The following UBE2E2 variants were observed in gnomAD, a reference collection of about 807,000 sequenced individuals.
The protein encoded by UBE2E2 is ubiquitin-conjugating enzyme E2 E2.
Under a neutral mutation model 24.7 loss-of-function variants are expected in UBE2E2, and 6 were observed. The ratio of observed to expected loss-of-function variants is 0.24; its 90% CI spans 0.13 to 0.48. The LOEUF (loss-of-function observed/expected upper bound fraction) is 0.48, where lower values mean the gene tolerates loss of function less well. Among genes scored for constraint, UBE2E2 ranks in the 20% least tolerant of loss-of-function variants. UBE2E2 has a pLI of 0.99. For missense variants in UBE2E2, 169 were observed against 245.0 expected, an observed-to-expected ratio of 0.69 and a Z score of 2.07; for synonymous variants, 104 against 83.6, an observed-to-expected ratio of 1.24 and a Z score of -1.33.
chr3:23,444,730 G>C (rs968109990), intron 3 of UBE2E2, among the ~76,000 whole-genome samples: 1 of 152,070 alleles, frequency 6.6e-6, no homozygotes, highest in Admixed American at 6.6e-5. Context: ...CTACCTATTG[G>C]GCCAGCTGTT....
At chr3:23,359,871 A>G (rs983916265) in intron 3 of UBE2E2, among the ~76,000 whole-genome samples, 3 of 152,316 alleles carry the variant, frequency 2.0e-5, no homozygotes, top group Non-Finnish European at 4.4e-5. Flanking sequence ...TGAATGAAAT[A>G]TGAACTAGCT....
intron 5 of UBE2E2, among the ~76,000 whole-genome samples, chr3:23,588,545 G>A (rs1210416593): frequency 1.3e-4 from 19 of 151,660 alleles, no homozygotes; most frequent in African/African-American, 4.6e-4. Flanking sequence ...GCCTCTTAAA[G>A]TGCTAATATT....
At chr3:23,551,561 T>C (rs887238924) in intron 5 of UBE2E2, among the ~76,000 whole-genome samples, 2 of 152,186 alleles carry the variant, frequency 1.3e-5, no homozygotes, top group African/African-American at 4.8e-5. Flanking sequence ...TCTAAAGAAA[T>C]GTGAGTGGGA....
intron 3 of UBE2E2, among the ~76,000 whole-genome samples, chr3:23,298,083 CTGTT>C (rs1265117107): frequency 2.0e-5 from 3 of 152,002 alleles, no homozygotes; most frequent in South Asian, 2.1e-4. Context: ...ATTTGGCTCT[CTGTT>C]TGTCTCTTAT....
chr3:23,214,460 A>C (rs1696419140), intron 2 of UBE2E2, among the ~76,000 whole-genome samples: 1 of 151,942 alleles, frequency 6.6e-6, no homozygotes, highest in Non-Finnish European at 1.5e-5. Flanking sequence ...TGTGTTGTGC[A>C]GGTTGGTCTC....
intron 5 of UBE2E2, among the ~76,000 whole-genome samples, chr3:23,537,391 A>G (rs1695291286): frequency 6.6e-6 from 1 of 152,182 alleles, no homozygotes; most frequent in South Asian, 2.1e-4. Context: ...TCACCTTTCA[A>G]ATAAAAATCA....
At chr3:23,206,987 A>G (rs1293154216) in intron 1 of UBE2E2, among the ~76,000 whole-genome samples, 2 of 152,204 alleles carry the variant, frequency 1.3e-5, no homozygotes, top group Non-Finnish European at 2.9e-5. Flanking sequence ...TATAATTTTT[A>G]AAGATATATT....
chr3:23,537,096 T>A (rs887497767), intron 5 of UBE2E2, among the ~76,000 whole-genome samples: 1 of 152,176 alleles, frequency 6.6e-6, no homozygotes, highest in Admixed American at 6.5e-5. Context: ...CTTAAGGTAA[T>A]CTGTAAGTGG....
chr3:23,389,192 T>C (rs2125359080), intron 3 of UBE2E2, among the ~76,000 whole-genome samples: 1 of 152,210 alleles, frequency 6.6e-6, no homozygotes, highest in Admixed American at 6.5e-5. Context: ...AAAAAGAGTA[T>C]CACTTACTAG....
intron 3 of UBE2E2, among the ~76,000 whole-genome samples, chr3:23,473,620 G>GA (rs1699070711): frequency 6.6e-6 from 1 of 152,024 alleles, no homozygotes; most frequent in Non-Finnish European, 1.5e-5. Flanking sequence ...GAAGTCCACT[G>GA]TGTCATTCTC....
rs546104426 is a variant in UBE2E2 at position 23,474,097 on chromosome 3, G to C, written c.228-25511G>C. Among the ~76,000 whole-genome samples the C allele has an allele frequency of 1.6e-4, 24 of 151,902 alleles. No individual in the cohort carries two copies. Among genetic ancestry groups the C allele is most frequent in the Non-Finnish European group, 2.8e-4 (19 of 67,996 alleles). ...TTTTATTTTTTTGCGGGAGTAAGAT[G>C]GTATCGCATTGTGGTTTTGATTTGC... is the stretch of plus-strand genomic sequence containing the variant. On this transcript the variant is annotated intron_variant, in intron 3 of 5. Coordinates refer to ENST00000396703, the MANE Select transcript of UBE2E2 (RefSeq NM_152653.4). The surrounding 1 kb of genome is among the most constrained non-coding windows in gnomAD (Gnocchi z 4.0).
chr3:23,252,297 A>G (rs1402373466), intron 3 of UBE2E2, among the ~76,000 whole-genome samples: 1 of 152,190 alleles, frequency 6.6e-6, no homozygotes, highest in African/African-American at 2.4e-5. Context: ...GTGAGTTATA[A>G]TAAACTATTC....
intron 5 of UBE2E2, among the ~76,000 whole-genome samples, chr3:23,582,261 A>G (rs1203803839): frequency 1.3e-5 from 2 of 152,172 alleles, no homozygotes; most frequent in African/African-American, 4.8e-5. Flanking sequence ...ATAACATTCT[A>G]TTGTGTATAT....
At chr3:23,479,281 A>T (rs1439153325) in intron 3 of UBE2E2, among the ~76,000 whole-genome samples, 1 of 152,238 alleles carries the variant, frequency 6.6e-6, no homozygotes, top group Non-Finnish European at 1.5e-5. Context: ...CAGGCATGCC[A>T]GCTGCTGTGG....
At chr3:23,289,027 C>G (rs1698692031) in intron 3 of UBE2E2, among the ~76,000 whole-genome samples, 1 of 152,148 alleles carries the variant, frequency 6.6e-6, no homozygotes. Flanking sequence ...GTACTGTTAC[C>G]ACTCACCTGA....
intron 4 of UBE2E2, among the ~76,000 whole-genome samples, chr3:23,507,345 CTTTG>C (rs1458327573): frequency 1.3e-5 from 2 of 152,110 alleles, no homozygotes; most frequent in African/African-American, 2.4e-5. Context: ...TTATATATTT[CTTTG>C]TTTATTTATT....
intron 3 of UBE2E2, among the ~76,000 whole-genome samples, chr3:23,449,605 C>A (rs913553756): frequency 3.3e-5 from 5 of 152,126 alleles, no homozygotes; most frequent in Non-Finnish European, 7.3e-5. Flanking sequence ...CTGGTTCAAT[C>A]TAATCTTTTC....
chr3:23,293,306 G>A (rs1188086831), intron 3 of UBE2E2, among the ~76,000 whole-genome samples: 1 of 152,194 alleles, frequency 6.6e-6, no homozygotes, highest in Non-Finnish European at 1.5e-5. Context: ...TTTAATACAT[G>A]TGAAAACCAT....
At chr3:23,348,142 C>A (rs1482778888) in intron 3 of UBE2E2, among the ~76,000 whole-genome samples, 1 of 152,032 alleles carries the variant, frequency 6.6e-6, no homozygotes, top group Admixed American at 6.6e-5. Flanking sequence ...CATACAGGGG[C>A]TACTTAAGGA....
Sources: allele counts gnomAD v4.1 joint callset (sites outside exome capture counted in the v4.1 genomes callset), GRCh38; gene constraint gnomAD v4.1.1; non-coding constraint Gnocchi (gnomAD v3.1); transcripts MANE v1.5; gene names NCBI Gene and HGNC (gene_info 2026-07-23, HGNC 2026-07-21).